The following GLB1 variants were observed in gnomAD, a reference collection of about 807,000 sequenced individuals.
GLB1 encodes the protein galactosidase beta 1, also known as beta-galactosidase.
In GLB1, 56 loss-of-function variants were observed where a neutral mutation model predicts 74.0. That is an observed-to-expected ratio of 0.76 (90% CI 0.61 to 0.94). The LOEUF (loss-of-function observed/expected upper bound fraction) is 0.94. Ranked by LOEUF, GLB1 falls within the 40% of genes least tolerant of loss-of-function variation. The pLI, the probability that GLB1 is intolerant of heterozygous loss-of-function variation, is 0.00. For synonymous variants in GLB1, 323 were observed against 323.6 expected, an observed-to-expected ratio of 1.00 and a Z score of 0.02; for missense variants, 787 against 845.5, an observed-to-expected ratio of 0.93 and a Z score of 0.86.
chr3:33,072,738 T>A (rs760557304), intron 1 of GLB1, 25 bp from the exon 2 acceptor site: 1 of 1,613,638 alleles, frequency 6.2e-7, no homozygotes, highest in Non-Finnish European at 8.5e-7. Flanking sequence ...TGGGGTCACA[T>A]GAGAACTTCC....
chr3:33,060,487 A>G (rs2125536360), intron 5 of GLB1, among the ~76,000 whole-genome samples: 1 of 152,342 alleles, frequency 6.6e-6, no homozygotes, highest in African/African-American at 2.4e-5. Flanking sequence ...CTGGCTGTCA[A>G]GAAATTCAGA....
At chr3:32,967,323 T>C in the GLB1 span, among the ~76,000 whole-genome samples, 1 of 152,104 alleles carries the variant, frequency 6.6e-6, no homozygotes, top group Non-Finnish European at 1.5e-5. Context: ...TGCTTCTACT[T>C]TGGGAGGCCA....
At chr3:33,055,974 T>A (rs1319361364) in intron 6 of GLB1, among the ~76,000 whole-genome samples, 1 of 151,388 alleles carries the variant, frequency 6.6e-6, no homozygotes, top group Non-Finnish European at 1.5e-5. Flanking sequence ...ACGCCTGTAA[T>A]CCCAACACTT....
intron 10 of GLB1, among the ~76,000 whole-genome samples, chr3:33,043,771 G>GAAAGATCCCTCAGAAAAATACCAAGCA (rs1698600253): frequency 1.2e-5 from 1 of 82,256 alleles, no homozygotes; most frequent in Admixed American, 1.2e-4. Flanking sequence ...ACAGCATTGG[G>GAAAGATCCCTCAGAAAAATACCAAGCA]AAAGATACCT....
chr3:33,038,339 C>T (rs1207608191), intron 10 of GLB1, among the ~76,000 whole-genome samples: 2 of 152,176 alleles, frequency 1.3e-5, no homozygotes, highest in Admixed American at 6.5e-5. Flanking sequence ...TTGCCCTGTG[C>T]TCTGAAGGTT....
Position 33,014,232 on chromosome 3 carries a change from C to G in GLB1, c.1558G>C (p.Val520Leu). 6.2e-7 allele frequency: 1 copy of G among 1,614,172 alleles called. No homozygotes were observed. ...TIFPLDTEDAVCSHLGGWGHR... is the reference protein window; with the variant it reads ...TIFPLDTEDALCSHLGGWGHR... ...CCCCAGCCCCCCAGGTGGCTGCACA[C>G]TGCATCCTCAGTGTCCAGTGGAAAG... The change falls in exon 15 of 16, where the codon GTG becomes CTG. Residue 520 changes from valine to leucine, a missense_variant. Val to Leu is a conservative substitution (Grantham distance 32, BLOSUM62 1). Transcript: ENST00000307363.
chr3:33,012,308 C>T (rs1051548327), intron 15 of GLB1, among the ~76,000 whole-genome samples: 5 of 152,312 alleles, frequency 3.3e-5, no homozygotes, highest in African/African-American at 1.2e-4. Context: ...TTTGTGTCCA[C>T]CCAAAACTCA....
Position 33,018,469 on chromosome 3 carries a change from T to C in GLB1, c.1326A>G (p.Arg442=), listed in dbSNP as rs953970172. 18 of 1,613,830 alleles carry C rather than the reference T, an allele frequency of 1.1e-5. No individual in the cohort carries two copies. Among genetic ancestry groups the C allele is most frequent in the Non-Finnish European group, 1.5e-5 (18 of 1,180,018 alleles). Reference sequence around the variant, plus strand: ...TTACCCCATCCACAGCAACATATGCTCGATCGTGGACTCCATTGAGGGGTG... The same window carrying C: ...TTACCCCATCCACAGCAACATATGCCCGATCGTGGACTCCATTGAGGGGTG... ...LSSPLNGVHD[R]AYVAVDGIPQ... The change falls in exon 13 of 16, where the codon CGA becomes CGG. Residue 442 remains arginine (R), a synonymous_variant. Transcript: ENST00000307363.
intron 15 of GLB1, among the ~76,000 whole-genome samples, chr3:32,997,948 G>C (rs542108302): frequency 3.7e-4 from 56 of 152,308 alleles, no homozygotes; most frequent in Non-Finnish European, 6.2e-4. Context: ...GGATAGGGGG[G>C]TTTGGGGTGA....
At chr3:33,094,122 A>G in intron 1 of GLB1, 1 of 1,614,136 alleles carries the variant, frequency 6.2e-7, no homozygotes, top group Non-Finnish European at 8.5e-7. Flanking sequence ...GCGGGAGGCG[A>G]TCATGGACAC....
At chr3:32,978,849 G>A in the GLB1 span, among the ~76,000 whole-genome samples, 8 of 141,336 alleles carry the variant, frequency 5.7e-5, no homozygotes, top group East Asian at 4.3e-4. Context: ...CAACCCCCAC[G>A]TCTCGGTTCA....
At chr3:33,044,281 A>G (rs917309684) in intron 10 of GLB1, among the ~76,000 whole-genome samples, 8 of 152,214 alleles carry the variant, frequency 5.3e-5, no homozygotes, top group Non-Finnish European at 8.8e-5. Flanking sequence ...ACAGGAAAGT[A>G]CTTATTTCCA....
intron 1 of GLB1, chr3:33,091,715 A>G (rs1415647304): frequency 3.3e-5 from 33 of 985,216 alleles, no homozygotes; most frequent in South Asian, 4.7e-5. Flanking sequence ...ACGCTGCCCT[A>G]TGAGTGAGCA....
intron 1 of GLB1, chr3:33,077,238 C>A (rs1394731697): frequency 6.4e-7 from 1 of 1,557,558 alleles, no homozygotes. Flanking sequence ...GGAATCGAGA[C>A]TGAGAACAAA....
intron 15 of GLB1, among the ~76,000 whole-genome samples, chr3:32,997,943 G>T (rs139668670): frequency 6.6e-6 from 1 of 152,330 alleles, no homozygotes; most frequent in African/African-American, 2.4e-5. Flanking sequence ...AAGAGGGATA[G>T]GGGGGTTTGG....
At chr3:33,077,302 G>C (rs1283264354) in intron 1 of GLB1, 2 of 1,572,098 alleles carry the variant, frequency 1.3e-6, no homozygotes, top group Non-Finnish European at 1.7e-6. Context: ...TGCAGTTTAG[G>C]ATTAAGAGGC....
intron 4 of GLB1, 70 bp from the exon 5 acceptor site, chr3:33,065,627 G>A (rs1699640396): frequency 5.3e-6 from 8 of 1,512,332 alleles, no homozygotes; most frequent in Non-Finnish European, 7.2e-6. Flanking sequence ...AGCCCAGGAT[G>A]GCTTTGAATG....
chr3:32,996,566 A>G (rs9838124), downstream of GLB1: 383 of 223,912 alleles, frequency 1.7e-3, no homozygotes, highest in African/African-American at 8.4e-3. Flanking sequence ...AGCAAGTCAA[A>G]TAACGATCAG....
intron 13 of GLB1, among the ~76,000 whole-genome samples, chr3:33,017,723 G>A (rs1296108586): frequency 1.3e-5 from 2 of 152,094 alleles, no homozygotes; most frequent in East Asian, 1.9e-4. Flanking sequence ...TTCTCATGTA[G>A]GATAAAGGCA....
Sources: gnomAD v4.1 joint callset for allele counts (sites outside exome capture counted in the v4.1 genomes callset) on GRCh38, gnomAD v4.1.1 for gene constraint, MANE v1.5 for transcripts, NCBI Gene and HGNC (gene_info 2026-07-23, HGNC 2026-07-21) for gene names.